The following CSMD1 variants were observed in gnomAD, a reference collection of about 807,000 sequenced individuals.
The protein encoded by CSMD1 is CUB and sushi domain-containing protein 1.
In CSMD1, 213 loss-of-function variants were observed where a neutral mutation model predicts 417.5. The observed-to-expected ratio is 0.51, with a 90% CI of 0.46 to 0.57. The LOEUF (loss-of-function observed/expected upper bound fraction) is 0.57, where lower values mean the gene tolerates loss of function less well. Ranked by LOEUF, CSMD1 falls within the 20% of genes least tolerant of loss-of-function variation. CSMD1 has a pLI of 0.00. For missense variants in CSMD1, 6,923 were observed against 4,529.7 expected, an observed-to-expected ratio of 1.53 and a Z score of -15.17; for synonymous variants, 2,862 against 1,736.8, an observed-to-expected ratio of 1.65 and a Z score of -16.11.
chr8:3,052,731 T>A (rs1016960389), intron 49 of CSMD1, 84 bp from the exon 50 acceptor site: 1 of 914,920 alleles, frequency 1.1e-6, no homozygotes, highest in Non-Finnish European at 1.6e-6. Flanking sequence ...TTAATCATTA[T>A]TATTGACTCC....
At chr8:3,291,794 C>T (rs10096074) in intron 25 of CSMD1, among the ~76,000 whole-genome samples, 75,032 of 151,852 alleles carry the variant, frequency 0.49, 20,829 homozygotes, top group South Asian at 0.63. Context: ...GATTCATTGA[C>T]TTTTTTAAGG....
chr8:2,956,047 T>A (rs933718673), intron 63 of CSMD1, among the ~76,000 whole-genome samples: 1 of 152,056 alleles, frequency 6.6e-6, no homozygotes, highest in African/African-American at 2.4e-5. Context: ...ATCCTATATA[T>A]ATTTATACAT....
At chr8:4,019,718 G>C (rs972200029) in intron 4 of CSMD1, among the ~76,000 whole-genome samples, 1 of 152,210 alleles carries the variant, frequency 6.6e-6, no homozygotes, top group African/African-American at 2.4e-5. Context: ...ACATGCACGT[G>C]GGTATGAATG....
chr8:4,662,802 T>A (rs999068088), intron 1 of CSMD1, among the ~76,000 whole-genome samples: 3 of 152,132 alleles, frequency 2.0e-5, no homozygotes, highest in Non-Finnish European at 4.4e-5. Context: ...CAAGCTCAGG[T>A]GACAAACGAG....
chr8:3,389,056 T>C (rs1027553120), intron 17 of CSMD1, among the ~76,000 whole-genome samples: 5 of 152,224 alleles, frequency 3.3e-5, no homozygotes, highest in African/African-American at 1.2e-4. Flanking sequence ...ATTTTTGTTG[T>C]TGTTGTTTAC....
At chr8:3,899,228 G>C (rs747361236) in intron 5 of CSMD1, among the ~76,000 whole-genome samples, 2 of 152,156 alleles carry the variant, frequency 1.3e-5, no homozygotes, top group South Asian at 4.1e-4. Context: ...CAAGAGCACA[G>C]GAAAGTTGGC....
intron 3 of CSMD1, among the ~76,000 whole-genome samples, chr8:4,309,919 A>G (rs78179305): frequency 0.014 from 2,124 of 152,290 alleles, 47 homozygotes; most frequent in African/African-American, 0.048. Flanking sequence ...TGATTTAAGA[A>G]GCTCATTAGA....
At chr8:4,023,360 C>T (rs1481277746) in intron 4 of CSMD1, among the ~76,000 whole-genome samples, 2 of 152,120 alleles carry the variant, frequency 1.3e-5, no homozygotes, top group Admixed American at 6.5e-5. Flanking sequence ...ATGAAACAAG[C>T]AGAACAACAA....
intron 36 of CSMD1, among the ~76,000 whole-genome samples, chr8:3,186,084 C>G (rs950724377): frequency 1.3e-5 from 2 of 150,306 alleles, no homozygotes. Context: ...ACACCCATCA[C>G]CTACCTGTAA....
chr8:3,034,032 C>T (rs1293041368), intron 50 of CSMD1, among the ~76,000 whole-genome samples: 2 of 152,322 alleles, frequency 1.3e-5, no homozygotes, highest in African/African-American at 2.4e-5. Context: ...CCAGCTGCCT[C>T]CCCATGTGCC....
intron 1 of CSMD1, among the ~76,000 whole-genome samples, chr8:4,946,462 G>C (rs1808374512): frequency 6.6e-6 from 1 of 152,094 alleles, no homozygotes; most frequent in East Asian, 1.9e-4. Context: ...GGTCTGCCCA[G>C]TGACCCTCTA....
chr8:3,356,160 C>T (rs1322648260), intron 21 of CSMD1, among the ~76,000 whole-genome samples: 1 of 152,198 alleles, frequency 6.6e-6, no homozygotes, highest in African/African-American at 2.4e-5. Context: ...TAGGTGTCAC[C>T]TGCAACCTTT....
Position 3,356,109 on chromosome 8 carries a change from G to T in CSMD1, c.3304+3043C>A, listed in dbSNP as rs141316599. ...TTCCATTTAAGTCAGACACTTATTA[G>T]GGAGGTTAAAACGGCACACTTTTAA... On this transcript the variant is annotated intron_variant, in intron 21 of 69. Coordinates refer to ENST00000635120, the MANE Select transcript of CSMD1 (RefSeq NM_033225.6). Among the ~76,000 whole-genome samples the T allele has an allele frequency of 4.9e-3, 753 of 152,300 alleles. 3 individuals carry two copies. Among genetic ancestry groups the T allele is most frequent in the African/African-American group, 0.017 (725 of 41,556 alleles).
At chr8:4,943,351 C>G (rs939942255) in intron 1 of CSMD1, among the ~76,000 whole-genome samples, 1 of 151,904 alleles carries the variant, frequency 6.6e-6, no homozygotes, top group Non-Finnish European at 1.5e-5. Flanking sequence ...AAAAAATTAG[C>G]CGGGCGTGGT....
At chr8:3,809,764 G>T (rs1055874483) in intron 5 of CSMD1, among the ~76,000 whole-genome samples, 44 of 152,146 alleles carry the variant, frequency 2.9e-4, no homozygotes, top group African/African-American at 1.1e-3. Context: ...GAGACAACAG[G>T]AAAGTATTAG....
chr8:3,059,524 C>A (rs17389597), intron 49 of CSMD1, among the ~76,000 whole-genome samples: 69 of 152,002 alleles, frequency 4.5e-4, no homozygotes, highest in African/African-American at 1.5e-3. Context: ...AGGGGACACA[C>A]GACTCAGGGC....
chr8:3,082,396 C>A (rs542092386), intron 49 of CSMD1, among the ~76,000 whole-genome samples: 5 of 152,188 alleles, frequency 3.3e-5, no homozygotes, highest in Non-Finnish European at 5.9e-5. Flanking sequence ...CCATCGTCCT[C>A]CACCATGTCC....
intron 3 of CSMD1, among the ~76,000 whole-genome samples, chr8:4,360,114 C>G (rs1216674708): frequency 6.6e-6 from 1 of 152,138 alleles, no homozygotes; most frequent in Admixed American, 6.5e-5. Context: ...TGTCTGGTTT[C>G]CTCTCTGCAG....
At chr8:4,084,577 A>T (rs994678077) in intron 3 of CSMD1, among the ~76,000 whole-genome samples, 3 of 152,164 alleles carry the variant, frequency 2.0e-5, no homozygotes, top group African/African-American at 7.2e-5. Flanking sequence ...TCGATTCCTT[A>T]ATCAACCTTG....
Sources: allele counts gnomAD v4.1 joint callset (sites outside exome capture counted in the v4.1 genomes callset), GRCh38; gene constraint gnomAD v4.1.1; transcripts MANE v1.5; gene names NCBI Gene and HGNC (gene_info 2026-07-23, HGNC 2026-07-21).